ARHGEF18: variants seen among roughly 807,000 people sequenced by gnomAD.
ARHGEF18 encodes rho guanine nucleotide exchange factor 18.
Under a neutral mutation model 155.7 loss-of-function variants are expected in ARHGEF18, and 93 were observed. That is an observed-to-expected ratio of 0.60 (90% CI 0.50 to 0.71). The LOEUF (loss-of-function observed/expected upper bound fraction) is 0.71. Among genes scored for constraint, ARHGEF18 ranks in the 30% least tolerant of loss-of-function variants. The probability of loss-of-function intolerance (pLI) is 0.00; values close to 1 mark genes in which losing one functional copy is unlikely to be tolerated. For synonymous variants in ARHGEF18, 742 were observed against 753.1 expected (o/e 0.99, Z 0.24); for missense variants, 1,593 against 1,816.1 (o/e 0.88, Z 2.23).
At chr19:7,354,700 A>G (rs1969241524) in intron 1 of ARHGEF18, among the ~76,000 whole-genome samples, 1 of 144,350 alleles carries the variant, frequency 6.9e-6, no homozygotes, top group Non-Finnish European at 1.6e-5. Context: ...GGGAGTTTTG[A>G]GACCAGCCTG....
chr19:7,453,676 G>A lies in ARHGEF18; in HGVS notation c.2065G>A (p.Gly689Ser). ...DMLQRQLHLEGMLCWKTTSGR... is the reference protein window; with the variant it reads ...DMLQRQLHLESMLCWKTTSGR... ...GCTTCAGCGGCAGCTCCACCTGGAG[G>A]GCATGCTATGCTGGAAGACCACATC... Residue 689 changes from glycine to serine, a missense_variant, in exon 17 of 29, where the codon GGC becomes AGC. Transcript: ENST00000668164. 1 of 1,598,486 alleles carries A rather than the reference G, an allele frequency of 6.3e-7. No individual in the cohort carries two copies. The highest frequency in any genetic ancestry group is 8.5e-7 in the Non-Finnish European group (1 of 1,169,674).
intron 10 of ARHGEF18, among the ~76,000 whole-genome samples, chr19:7,391,531 A>G (rs976127592): frequency 4.0e-5 from 6 of 151,710 alleles, no homozygotes; most frequent in African/African-American, 1.5e-4. Context: ...CTGAAGTCTC[A>G]TGGCTGTTCA....
At chr19:7,453,037 A>G (rs1261920245) in intron 16 of ARHGEF18, among the ~76,000 whole-genome samples, 2 of 151,862 alleles carry the variant, frequency 1.3e-5, no homozygotes, top group African/African-American at 4.8e-5. Flanking sequence ...CTCTACTAAA[A>G]ATACCAAAAA....
In ARHGEF18 at chr19:7,417,565, C is replaced by T. The variant is rs866638030; in HGVS notation, c.968-22779C>T. Among the ~76,000 whole-genome samples, 8 of 152,140 alleles carry T rather than the reference C, an allele frequency of 5.3e-5. No individual in the cohort carries two copies. The South Asian group carries it at 1.2e-3, about 24-fold the overall frequency. ...ATACAAAAATCAGCCAGACGAGTGG[C>T]GCACGCCTGTAATCCCAGCTACTCG... On this transcript the variant is annotated intron_variant, in intron 10 of 28. Coordinates refer to ENST00000668164, the MANE Select transcript of ARHGEF18 (RefSeq NM_001367823.1).
downstream of ARHGEF18, among the ~76,000 whole-genome samples, chr19:7,473,718 G>A (rs557078594): frequency 1.1e-4 from 16 of 150,814 alleles, no homozygotes; most frequent in East Asian, 1.8e-3. Flanking sequence ...GCTGAAGCAG[G>A]AGAATGGCGT....
At chr19:7,423,317 T>C (rs1973468829) in intron 10 of ARHGEF18, among the ~76,000 whole-genome samples, 1 of 152,134 alleles carries the variant, frequency 6.6e-6, no homozygotes, top group African/African-American at 2.4e-5. Flanking sequence ...TTGAGGTTTA[T>C]TTCCCCCTTG....
At chr19:7,473,333 G>A (rs548912139), downstream of ARHGEF18, 69 of 451,128 alleles carry the variant, frequency 1.5e-4, no homozygotes, top group South Asian at 1.1e-3. Flanking sequence ...TGCAGGCCAC[G>A]TGTGGAATTT....
Position 7,471,108 on chromosome 19 carries a change from C to G in ARHGEF18, c.*810C>G, listed in dbSNP as rs186733464. ...TCAGCCTGTCTGGGGGAGCGGGCCT[C>G]TAGCTTCAGCCAGGGCGGGTACACA... On this transcript the variant is annotated 3_prime_UTR_variant, in exon 29 of 29. Coordinates refer to ENST00000668164, the MANE Select transcript of ARHGEF18 (RefSeq NM_001367823.1). The surrounding 1 kb of genome is among the most constrained non-coding windows in gnomAD (Gnocchi z 4.4). 1 of 309,686 alleles carries G rather than the reference C, an allele frequency of 3.2e-6. No homozygotes were observed. The highest frequency in any genetic ancestry group is 2.2e-5 in the African/African-American group (1 of 46,476). 19.2% of individuals were successfully genotyped at this position (309,686 alleles called of 1,614,324 possible). A position where few individuals can be genotyped will look rare whatever the true frequency, so the allele number is the denominator to read the frequency against.
At chr19:7,384,450 G>A (rs756650815) in intron 10 of ARHGEF18, among the ~76,000 whole-genome samples, 11 of 152,248 alleles carry the variant, frequency 7.2e-5, no homozygotes, top group Non-Finnish European at 1.5e-4. Context: ...GTGCCTCTGA[G>A]CAACGTGCCT....
intron 18 of ARHGEF18, among the ~76,000 whole-genome samples, chr19:7,456,752 A>T (rs561751861): frequency 3.5e-4 from 54 of 152,330 alleles, no homozygotes; most frequent in African/African-American, 1.3e-3. Context: ...AAACAAAAAA[A>T]CAAAACAAAC....
chr19:7,423,295 G>A (rs1430190295), intron 10 of ARHGEF18, among the ~76,000 whole-genome samples: 1 of 152,112 alleles, frequency 6.6e-6, no homozygotes, highest in Non-Finnish European at 1.5e-5. Flanking sequence ...CCCTTGCTCT[G>A]TTCTCAGATT....
chr19:7,425,260 C>T (rs1251613131), intron 10 of ARHGEF18, among the ~76,000 whole-genome samples: 1 of 151,862 alleles, frequency 6.6e-6, no homozygotes, highest in African/African-American at 2.4e-5. Context: ...TAGTTCTTAT[C>T]TTCATTAAAC....
intron 23 of ARHGEF18, among the ~76,000 whole-genome samples, chr19:7,466,577 C>T (rs538706804): frequency 4.6e-4 from 69 of 148,410 alleles, no homozygotes; most frequent in African/African-American, 1.5e-3. Context: ...CCGAGGCGGG[C>T]GGATCACCTG....
chr19:7,427,272 G>A (rs1046231772), intron 10 of ARHGEF18, among the ~76,000 whole-genome samples: 10 of 152,162 alleles, frequency 6.6e-5, no homozygotes, highest in African/African-American at 1.2e-4. Flanking sequence ...TGGGCCCAAC[G>A]GCAAGTGTGT....
intron 22 of ARHGEF18, 85 bp from the exon 23 acceptor site, chr19:7,464,475 T>C: frequency 6.6e-7 from 1 of 1,509,616 alleles, no homozygotes; most frequent in Middle Eastern, 1.8e-4. Flanking sequence ...GTTTCCTACC[T>C]GGGCAGGGGC....
At chr19:7,405,348 CTGTG>C (rs1568303853) in intron 10 of ARHGEF18, among the ~76,000 whole-genome samples, 4 of 152,224 alleles carry the variant, frequency 2.6e-5, no homozygotes, top group African/African-American at 9.6e-5. Flanking sequence ...TGGCCTTCAC[CTGTG>C]TGTGTGTTTC....
chr19:7,444,326 G>T lies in ARHGEF18; in HGVS notation c.1483G>T (p.Ala495Ser). The T allele has an allele frequency of 6.2e-7, 1 of 1,613,640 alleles. No homozygotes were observed. Among genetic ancestry groups the T allele is most frequent in the Non-Finnish European group, 8.5e-7 (1 of 1,180,030 alleles). ...SKAIGRLFPC[A>S]DDLLETHSHF... ...GGCCATTGGCCGCCTCTTCCCATGCGCTGACGACCTGCTGGAGACGCACAG... is the reference window on the plus strand; with the variant it reads ...GGCCATTGGCCGCCTCTTCCCATGCTCTGACGACCTGCTGGAGACGCACAG... The change falls in exon 14 of 29, where the codon GCT becomes TCT. Residue 495 changes from alanine to serine, a missense_variant. Transcript: ENST00000668164. The surrounding 1 kb of genome is among the most constrained non-coding windows in gnomAD (Gnocchi z 4.7).
intron 1 of ARHGEF18, among the ~76,000 whole-genome samples, chr19:7,353,957 T>TAAAAA: frequency 7.3e-6 from 1 of 136,310 alleles, no homozygotes; most frequent in Non-Finnish European, 1.6e-5. Context: ...AGACTCTGTC[T>TAAAAA]AAAAAAAAAA....
At chr19:7,349,510 G>C (rs138803559) in intron 1 of ARHGEF18, among the ~76,000 whole-genome samples, 2,035 of 152,158 alleles carry the variant, frequency 0.013, 45 homozygotes, top group African/African-American at 0.046. Context: ...GGGCGCGGTG[G>C]CTCACACCTG....
Sources: allele counts gnomAD v4.1 joint callset (sites outside exome capture counted in the v4.1 genomes callset), GRCh38; gene constraint gnomAD v4.1.1; non-coding constraint Gnocchi (gnomAD v3.1); transcripts MANE v1.5; gene names NCBI Gene and HGNC (gene_info 2026-07-23, HGNC 2026-07-21).